The following ARHGAP6 variants were observed in gnomAD, a reference collection of about 807,000 sequenced individuals.
ARHGAP6 encodes rho GTPase-activating protein 6.
ARHGAP6 carries 16 observed loss-of-function variants against 55.7 expected under a neutral mutation model. That is an observed-to-expected ratio of 0.29 (90% confidence interval 0.19 to 0.44). ARHGAP6 has a LOEUF of 0.44. ARHGAP6 is among the 20% of genes least tolerant of loss of function. The probability of loss-of-function intolerance (pLI) is 1.00; values close to 1 mark genes in which losing one functional copy is unlikely to be tolerated. For synonymous variants in ARHGAP6, 382 were observed against 360.9 expected (o/e 1.06, Z -0.66); for missense variants, 698 against 808.9 (o/e 0.86, Z 1.66).
At chrX:11,212,581 C>T (rs955377673) in intron 2 of ARHGAP6, among the ~76,000 whole-genome samples, 2 of 112,457 alleles carry the variant, frequency 1.8e-5, no homozygotes, top group Non-Finnish European at 3.8e-5. Flanking sequence ...AGATATCACA[C>T]TGACCCAGTC....
intron 1 of ARHGAP6, among the ~76,000 whole-genome samples, chrX:11,282,186 A>G (rs1347078693): frequency 1.8e-5 from 2 of 112,385 alleles, no homozygotes; most frequent in African/African-American, 6.5e-5. Context: ...CAGAGGAAGG[A>G]AAAATCAAAA....
chrX:11,460,672 G>A (rs779974111), intron 1 of ARHGAP6, among the ~76,000 whole-genome samples: 13 of 111,939 alleles, frequency 1.2e-4, no homozygotes, highest in South Asian at 3.8e-4. Context: ...ATTTTCCACC[G>A]TACTTCCCTT....
chrX:11,344,803 T>C (rs2048757831), intron 1 of ARHGAP6, among the ~76,000 whole-genome samples: 1 of 109,376 alleles, frequency 9.1e-6, no homozygotes, highest in Non-Finnish European at 1.9e-5. Flanking sequence ...CAAAGCTCGG[T>C]AGGTGATACA....
intron 1 of ARHGAP6, among the ~76,000 whole-genome samples, chrX:11,657,629 G>A (rs2052653348): frequency 1.8e-5 from 2 of 111,239 alleles, no homozygotes; most frequent in South Asian, 7.5e-4. Context: ...AGATATCTAG[G>A]AAGAAATCAG....
At chrX:11,641,891 A>C (rs973705856) in intron 1 of ARHGAP6, among the ~76,000 whole-genome samples, 2 of 111,598 alleles carry the variant, frequency 1.8e-5, no homozygotes, top group South Asian at 7.4e-4. Flanking sequence ...CAATCATATC[A>C]TCATCACTTG....
chrX:11,481,316 G>A (rs1015808667), intron 1 of ARHGAP6, among the ~76,000 whole-genome samples: 2 of 111,747 alleles, frequency 1.8e-5, no homozygotes, highest in African/African-American at 6.5e-5. Context: ...TCACATGCAC[G>A]CACACCCACA....
chrX:11,352,804 T>G (rs1245885678), intron 1 of ARHGAP6, among the ~76,000 whole-genome samples: 1 of 111,659 alleles, frequency 9.0e-6, no homozygotes, highest in Non-Finnish European at 1.9e-5. Context: ...AATGATATTT[T>G]AGTTGGAATA....
intron 8 of ARHGAP6, among the ~76,000 whole-genome samples, chrX:11,172,044 A>AT (rs1379394121): frequency 4.5e-5 from 5 of 111,176 alleles, no homozygotes; most frequent in African/African-American, 1.6e-4. Flanking sequence ...ATCTACATAG[A>AT]TTTTGAGAAA....
At chrX:11,510,579 T>C (rs1373683912) in intron 1 of ARHGAP6, among the ~76,000 whole-genome samples, 2 of 111,097 alleles carry the variant, frequency 1.8e-5, no homozygotes, top group Non-Finnish European at 3.8e-5. Context: ...TAAAAGTTAT[T>C]CCCATTTTGG....
chrX:11,544,796 T>C (rs1601631455), intron 1 of ARHGAP6, among the ~76,000 whole-genome samples: 1 of 112,171 alleles, frequency 8.9e-6, no homozygotes, highest in Non-Finnish European at 1.9e-5. Flanking sequence ...GGTAAGAAGA[T>C]CAAACATTTT....
chrX:11,441,532 A>C (rs1370146875), intron 1 of ARHGAP6, among the ~76,000 whole-genome samples: 1 of 111,569 alleles, frequency 9.0e-6, no homozygotes, highest in Admixed American at 9.5e-5. Context: ...ACTTGTTCCA[A>C]TGCCCCTAGT....
chrX:11,491,457 T>G (rs968877593), intron 1 of ARHGAP6, among the ~76,000 whole-genome samples: 2 of 109,514 alleles, frequency 1.8e-5, no homozygotes, highest in African/African-American at 3.3e-5. Context: ...AGTGAGAATA[T>G]GCGGTGTCTG....
Position 11,304,777 on chromosome X carries a change from C to CTT in ARHGAP6, c.589-50072_589-50071dup, listed in dbSNP as rs953912280. On this transcript the variant is annotated intron_variant, in intron 1 of 12. Coordinates refer to ENST00000337414, the MANE Select transcript of ARHGAP6 (RefSeq NM_013427.3). ...AAGGATTTCATTTTTCTTTCTTTTA[C>CTT]TTTTTTTTTTTTTTTTTTTTTTTTT... Among the ~76,000 whole-genome samples the CTT allele has an allele frequency of 7.6e-3, 383 of 50,265 alleles. 77 individuals carry two copies. The highest frequency in any genetic ancestry group is 0.031 in the African/African-American group (353 of 11,556). The allele number at this position is 50,265 out of a possible 115,157, so 43.6% of individuals were successfully genotyped here. A position where few individuals can be genotyped will look rare whatever the true frequency, so the allele number is the denominator to read the frequency against.
intron 1 of ARHGAP6, among the ~76,000 whole-genome samples, chrX:11,628,842 A>G (rs758756217): frequency 8.9e-6 from 1 of 112,777 alleles, no homozygotes; most frequent in South Asian, 3.6e-4. Flanking sequence ...GGGTATAAAT[A>G]CTTCCTGTCT....
intron 1 of ARHGAP6, among the ~76,000 whole-genome samples, chrX:11,355,527 G>A (rs1252437839): frequency 8.9e-6 from 1 of 112,524 alleles, no homozygotes; most frequent in Non-Finnish European, 1.9e-5. Flanking sequence ...ATGACAGAAT[G>A]AGAATTTCAG....
intron 1 of ARHGAP6, among the ~76,000 whole-genome samples, chrX:11,315,724 CCA>C (rs1303592468): frequency 1.8e-5 from 2 of 111,848 alleles, no homozygotes; most frequent in Non-Finnish European, 3.8e-5. Context: ...TTTGTGGATG[CCA>C]CACTCTTTTG....
intron 1 of ARHGAP6, among the ~76,000 whole-genome samples, chrX:11,526,831 T>C (rs760311764): frequency 1.6e-4 from 18 of 111,999 alleles, no homozygotes; most frequent in Non-Finnish European, 2.6e-4. Flanking sequence ...CAAATTAATT[T>C]GCTAATTTCT....
intron 1 of ARHGAP6, among the ~76,000 whole-genome samples, chrX:11,425,502 T>C (rs2049869143): frequency 8.9e-6 from 1 of 112,217 alleles, no homozygotes; most frequent in East Asian, 2.8e-4. Context: ...AAAGTATGCA[T>C]AGGAAACTTC....
intron 1 of ARHGAP6, among the ~76,000 whole-genome samples, chrX:11,389,771 T>C (rs1569325365): frequency 8.9e-6 from 1 of 111,983 alleles, no homozygotes; most frequent in Non-Finnish European, 1.9e-5. Flanking sequence ...GATAGGAAGA[T>C]ATTTTTCAGA....
Sources: allele counts gnomAD v4.1 joint callset (sites outside exome capture counted in the v4.1 genomes callset), GRCh38; gene constraint gnomAD v4.1.1; transcripts MANE v1.5; gene names NCBI Gene and HGNC (gene_info 2026-07-23, HGNC 2026-07-21).